ARHGAP29: variants seen among roughly 807,000 people sequenced by gnomAD.
ARHGAP29 encodes the protein Rho GTPase activating protein 29, also known as rho GTPase-activating protein 29.
In ARHGAP29, 43 loss-of-function variants were observed where a neutral mutation model predicts 122.6. That is an observed-to-expected ratio of 0.35 (90% CI 0.27 to 0.45). The LOEUF (loss-of-function observed/expected upper bound fraction) is 0.45, where lower values mean the gene tolerates loss of function less well. ARHGAP29 is among the 20% of genes least tolerant of loss of function. ARHGAP29 has a pLI of 1.00. For missense variants in ARHGAP29, 1,303 were observed against 1,477.2 expected (o/e 0.88, Z 1.93); for synonymous variants, 506 against 497.1 (o/e 1.02, Z -0.24).
In ARHGAP29 at chr1:94,173,154, A is replaced by C. The variant is rs1419488260; in HGVS notation, c.*715T>G. ...GTGAAAAACTATCAAATGTATTAAAACCATCTAAAGCCAAATATAATATAA... is the reference window on the plus strand; with the variant it reads ...GTGAAAAACTATCAAATGTATTAAACCCATCTAAAGCCAAATATAATATAA... On this transcript the variant is annotated 3_prime_UTR_variant, in exon 23 of 23. Coordinates refer to ENST00000260526, the MANE Select transcript of ARHGAP29 (RefSeq NM_004815.4). 6.6e-6 allele frequency: 1 copy of C among 152,614 alleles called. No individual in the cohort carries two copies. The highest frequency in any genetic ancestry group is 2.4e-5 in the African/African-American group (1 of 41,444). The allele number at this position is 152,614 out of a possible 1,614,324, so 9.5% of individuals were successfully genotyped here. A position where few individuals can be genotyped will look rare whatever the true frequency, so the allele number is the denominator to read the frequency against.
intron 12 of ARHGAP29, among the ~76,000 whole-genome samples, chr1:94,198,633 A>G (rs1256719758): frequency 6.6e-6 from 1 of 152,220 alleles, no homozygotes; most frequent in African/African-American, 2.4e-5. Context: ...ACAACTTATT[A>G]AAGGTATGTT....
At chr1:94,285,891 G>GA in the ARHGAP29 span, among the ~76,000 whole-genome samples, 30 of 124,534 alleles carry the variant, frequency 2.4e-4, no homozygotes, top group Admixed American at 3.2e-4. Context: ...AAAAAAAAAA[G>GA]AAAAAAAAAA....
At chr1:94,218,771 A>G (rs1400012108) in intron 3 of ARHGAP29, among the ~76,000 whole-genome samples, 1 of 152,230 alleles carries the variant, frequency 6.6e-6, no homozygotes, top group Non-Finnish European at 1.5e-5. Context: ...CCACACAAAC[A>G]TGATAAATCT....
At position 94,174,208 on chromosome 1, in the gene ARHGAP29, G is replaced by C. The variant is rs200661529; in HGVS notation, c.3447C>G (p.Leu1149=). 1.2e-6 allele frequency: 2 copies of C among 1,614,162 alleles called. No homozygotes were observed. The highest frequency in any genetic ancestry group is 2.7e-5 in the African/African-American group (2 of 75,046). Residue 1149 remains leucine, a synonymous_variant, in exon 23 of 23, where the codon CTC becomes CTG. Coordinates refer to ENST00000260526, the MANE Select transcript of ARHGAP29 (RefSeq NM_004815.4). ...SERRSSDSYP[L]APVRAPRTLQ... ...GTGTTCTGGGTGCTCTGACAGGAGC[G>C]AGAGGGTAGGAATCTGAAGACCGTC...
chr1:94,307,624 C>A, the ARHGAP29 span, among the ~76,000 whole-genome samples: 2 of 152,004 alleles, frequency 1.3e-5, no homozygotes, highest in Non-Finnish European at 2.9e-5. Flanking sequence ...TGGCACAGAC[C>A]AGAGACCACA....
intron 3 of ARHGAP29, among the ~76,000 whole-genome samples, chr1:94,210,626 T>C (rs890563164): frequency 3.3e-5 from 5 of 152,250 alleles, no homozygotes; most frequent in African/African-American, 1.2e-4. Context: ...AAGTTACCAT[T>C]GCGAATATGG....
At chr1:94,220,685 G>A (rs867068587) in intron 2 of ARHGAP29, among the ~76,000 whole-genome samples, 1 of 151,954 alleles carries the variant, frequency 6.6e-6, no homozygotes, top group African/African-American at 2.4e-5. Context: ...CTTCCCTTGA[G>A]CCAACTTTAT....
intron 1 of ARHGAP29, among the ~76,000 whole-genome samples, chr1:94,244,907 A>G (rs142384412): frequency 5.5e-4 from 83 of 152,278 alleles, no homozygotes; most frequent in African/African-American, 2.0e-3. Flanking sequence ...TAAAAATAAA[A>G]CAACAATCCA....
upstream of ARHGAP29, among the ~76,000 whole-genome samples, chr1:94,277,641 G>C (rs1655235728): frequency 6.6e-6 from 1 of 152,192 alleles, no homozygotes; most frequent in Admixed American, 6.5e-5. Context: ...TGACTGGGAA[G>C]GAGGAGGACC....
intron 12 of ARHGAP29, among the ~76,000 whole-genome samples, chr1:94,199,537 T>A (rs1462650347): frequency 6.6e-6 from 1 of 152,228 alleles, no homozygotes; most frequent in Non-Finnish European, 1.5e-5. Context: ...ACAGCTTTCA[T>A]GTGCAAAGCA....
intron 5 of ARHGAP29, 44 bp from the exon 6 acceptor site, chr1:94,205,727 C>A (rs1167288126): frequency 2.6e-6 from 4 of 1,566,386 alleles, no homozygotes; most frequent in South Asian, 2.3e-5. Flanking sequence ...GAGAAGAACA[C>A]AAATCTTTGC....
intron 1 of ARHGAP29, chr1:94,249,285 A>G (rs1653984153): frequency 6.6e-6 from 1 of 152,374 alleles, no homozygotes; most frequent in East Asian, 1.9e-4. Context: ...TCAAAGGCAT[A>G]ACTGGATAGT....
At chr1:94,299,794 G>A in the ARHGAP29 span, among the ~76,000 whole-genome samples, 1 of 152,020 alleles carries the variant, frequency 6.6e-6, no homozygotes, top group Non-Finnish European at 1.5e-5. Context: ...GGAAGGGGGC[G>A]GCTGTCTTCC....
At chr1:94,295,333 CT>C in the ARHGAP29 span, among the ~76,000 whole-genome samples, 1 of 152,020 alleles carries the variant, frequency 6.6e-6, no homozygotes, top group Non-Finnish European at 1.5e-5. Context: ...AAGGATAGGG[CT>C]TTGTTTTTAG....
chr1:94,205,794 C>A (rs868151373), intron 5 of ARHGAP29, 111 bp from the exon 6 acceptor site: 9 of 922,652 alleles, frequency 9.8e-6, no homozygotes, highest in African/African-American at 1.7e-5. Context: ...TAAAGAATTT[C>A]AAGTATTTAA....
chr1:94,260,442 A>G (rs568852028), intron 1 of ARHGAP29, among the ~76,000 whole-genome samples: 29 of 152,328 alleles, frequency 1.9e-4, no homozygotes, highest in African/African-American at 6.5e-4. Flanking sequence ...ACAAGCTCCT[A>G]TATCCCATCC....
chr1:94,209,385 A>T, intron 3 of ARHGAP29, 35 bp from the exon 4 acceptor site: 1 of 1,359,698 alleles, frequency 7.4e-7, no homozygotes, highest in Non-Finnish European at 1.0e-6. Flanking sequence ...AAGGAAAAAC[A>T]TACTTTAAAC....
At chr1:94,237,708 G>C (rs1159799309), upstream of ARHGAP29, 2 of 985,246 alleles carry the variant, frequency 2.0e-6, no homozygotes, top group African/African-American at 1.7e-5. Flanking sequence ...CGGCAGGTAC[G>C]GGAGGCAACT....
chr1:94,268,416 C>T (rs1034174927), intron 1 of ARHGAP29, among the ~76,000 whole-genome samples: 2 of 152,148 alleles, frequency 1.3e-5, no homozygotes, highest in African/African-American at 4.8e-5. Context: ...CCAGCACACA[C>T]ACACATTGGC....
Sources: allele counts gnomAD v4.1 joint callset (sites outside exome capture counted in the v4.1 genomes callset), GRCh38; gene constraint gnomAD v4.1.1; transcripts MANE v1.5; gene names NCBI Gene and HGNC (gene_info 2026-07-23, HGNC 2026-07-21).